CD163: variants seen among roughly 807,000 people sequenced by gnomAD.
CD163 encodes CD163 molecule, also known as scavenger receptor cysteine-rich type 1 protein M130.
A neutral mutation model predicts 129.2 loss-of-function variants in CD163; 64 were observed. The ratio of observed to expected loss-of-function variants is 0.50; its 90% CI spans 0.41 to 0.61. The LOEUF is 0.61. CD163 is among the 20% of genes least tolerant of loss of function. CD163 has a pLI of 0.00. For synonymous variants in CD163, 446 were observed against 478.5 expected (o/e 0.93, Z 0.89); for missense variants, 1,061 against 1,377.9 (o/e 0.77, Z 3.64).
chr12:7,478,823 TATA>T (rs1357528338), intron 16 of CD163, among the ~76,000 whole-genome samples: 2 of 152,022 alleles, frequency 1.3e-5, no homozygotes, highest in African/African-American at 4.8e-5. Flanking sequence ...TATAGGAATA[TATA>T]ATATTTCTAT....
At chr12:7,491,068 C>A (rs1347577144) in intron 6 of CD163, among the ~76,000 whole-genome samples, 2 of 152,112 alleles carry the variant, frequency 1.3e-5, no homozygotes, top group East Asian at 3.9e-4. Flanking sequence ...ATTCTGGTTT[C>A]TTGTAACTTC....
chr12:7,490,274 C>T (rs890250956), intron 6 of CD163, among the ~76,000 whole-genome samples: 3 of 151,636 alleles, frequency 2.0e-5, no homozygotes, highest in South Asian at 2.1e-4. Context: ...AATATGGTCA[C>T]GAAATGCATG....
At position 7,486,680 on chromosome 12, in the gene CD163, C is replaced by T; in HGVS notation, c.2277G>A (p.Gln759=). Reference sequence around the variant, plus strand: ...CATTAATGGCCTCTCCACAGCCCAGCTGTCTGCAAACCACGTGGGCATCAC... The same window carrying T: ...CATTAATGGCCTCTCCACAGCCCAGTTGTCTGCAAACCACGTGGGCATCAC... The part of the protein sequence containing the change: ...DLSDAHVVCR[Q]LGCGEAINAT... Residue 759 remains glutamine (Q), a synonymous_variant, in exon 10 of 17, where the codon CAG becomes CAA. Coordinates refer to ENST00000432237, the MANE Select transcript of CD163 (RefSeq NM_203416.4). 1 of 1,614,200 alleles carries T rather than the reference C, an allele frequency of 6.2e-7. No individual in the cohort carries two copies. The highest frequency in any genetic ancestry group is 8.5e-7 in the Non-Finnish European group (1 of 1,180,042).
intron 16 of CD163, among the ~76,000 whole-genome samples, chr12:7,472,482 C>A (rs1949019029): frequency 6.6e-6 from 1 of 152,128 alleles, no homozygotes; most frequent in Non-Finnish European, 1.5e-5. Context: ...AGAAGAGGGG[C>A]CTGACTGTTA....
intron 6 of CD163, among the ~76,000 whole-genome samples, chr12:7,490,099 G>T (rs1423944760): frequency 6.6e-6 from 1 of 151,870 alleles, no homozygotes; most frequent in African/African-American, 2.4e-5. Context: ...TTTTAATAGT[G>T]ATGAACCCAA....
chr12:7,486,845 G>A (rs1464597441), intron 9 of CD163, 32 bp from the exon 10 acceptor site: 3 of 1,605,916 alleles, frequency 1.9e-6, no homozygotes, highest in African/African-American at 2.7e-5. Flanking sequence ...TTAATAATGA[G>A]CATTCCACTT....
intron 1 of CD163, chr12:7,502,832 C>T: frequency 1.8e-6 from 1 of 548,244 alleles, no homozygotes; most frequent in Non-Finnish European, 3.2e-6. Flanking sequence ...AAGGTCAACC[C>T]TTAAAACCTG....
intron 6 of CD163, among the ~76,000 whole-genome samples, chr12:7,491,983 A>C (rs1315431273): frequency 6.6e-6 from 1 of 152,196 alleles, no homozygotes. Context: ...TGTACTATAT[A>C]AAAGTTAAAC....
At chr12:7,481,984 C>T (rs1007472887) in intron 14 of CD163, among the ~76,000 whole-genome samples, 2 of 152,112 alleles carry the variant, frequency 1.3e-5, no homozygotes, top group African/African-American at 2.4e-5. Context: ...CAGTAATCCC[C>T]CTCCCCTTTC....
Position 7,482,714 on chromosome 12 carries a change from A to G in CD163, c.3176T>C (p.Val1059Ala), listed in dbSNP as rs1949179030. 3 of 1,614,038 alleles carry G rather than the reference A, an allele frequency of 1.9e-6. No homozygotes were observed. In the South Asian group the frequency reaches 3.3e-5, roughly 18 times the overall value. ...SSFIAVGILG[V>A]VLLAIFVALF... ...TGCGACGAAAATGGCCAACAGAACA[A>G]CCCCAAGGATCCCGACTGCAATAAA... The change falls in exon 14 of 17, where the codon GTT becomes GCT. Residue 1059 changes from valine (V) to alanine (A), a missense_variant. By Grantham distance (64) the Val-to-Ala change is moderately conservative. Coordinates refer to ENST00000432237, the MANE Select transcript of CD163 (RefSeq NM_203416.4).
intron 12 of CD163, 51 bp downstream of exon 12, chr12:7,483,316 C>T (rs1461907712): frequency 1.3e-6 from 2 of 1,546,252 alleles, no homozygotes; most frequent in African/African-American, 1.4e-5. Context: ...ACTGCCCAAC[C>T]CCTCTTTGCT....
chr12:7,497,198 T>G, intron 4 of CD163, 65 bp from the exon 5 acceptor site: 323 of 1,211,132 alleles, frequency 2.7e-4, no homozygotes, highest in Non-Finnish European at 3.4e-4. Context: ...TAAATAGCTA[T>G]ACCTGAGATG....
intron 11 of CD163, among the ~76,000 whole-genome samples, chr12:7,484,189 A>T (rs945835140): frequency 6.6e-6 from 1 of 152,124 alleles, no homozygotes; most frequent in African/African-American, 2.4e-5. Flanking sequence ...TTGTCATTAC[A>T]GCCAACTAGG....
intron 6 of CD163, among the ~76,000 whole-genome samples, chr12:7,492,201 T>C (rs890106563): frequency 6.6e-6 from 1 of 152,002 alleles, no homozygotes; most frequent in African/African-American, 2.4e-5. Flanking sequence ...TACAGCAATA[T>C]AACAAAAGAG....
intron 11 of CD163, among the ~76,000 whole-genome samples, chr12:7,484,379 C>T (rs1399367647): frequency 6.6e-6 from 1 of 152,108 alleles, no homozygotes; most frequent in Non-Finnish European, 1.5e-5. Flanking sequence ...GTGGCTCACA[C>T]CTGTAATCCC....
At chr12:7,502,736 G>A in intron 1 of CD163, 172 bp from the exon 2 acceptor site, 1 of 641,354 alleles carries the variant, frequency 1.6e-6, no homozygotes, top group Non-Finnish European at 2.8e-6. Context: ...TATAGTTTCA[G>A]TGAAATGGTT....
chr12:7,495,119 G>GT lies in CD163; in HGVS notation c.1381dup (p.Thr461AsnfsTer3), dbSNP rs1190247672. 2 of 1,614,146 alleles carry GT rather than the reference G, an allele frequency of 1.2e-6. No homozygotes were observed. Among genetic ancestry groups the GT allele is most frequent in the South Asian group, 2.2e-5 (2 of 91,082 alleles). ...TTTGGCTTCTTCATAGTGATCACAG[G>GT]TAAGTCCACCCCATTGCCAGTTCTT... On this transcript the variant is annotated frameshift_variant, in exon 6 of 17. Coordinates refer to ENST00000432237, the MANE Select transcript of CD163 (RefSeq NM_203416.4). LOFTEE classifies it high-confidence loss of function.
chr12:7,502,541 A>T lies in CD163; in HGVS notation c.70T>A (p.Leu24Met). Residue 24 changes from leucine (L) to methionine (M), a missense_variant, in exon 2 of 17, where the codon TTG becomes ATG. Leu to Met is a conservative substitution (Grantham distance 15). Transcript: ENST00000432237. ...ACCACAGTAATGGTGAAGGGACTCA[A>T]GTTGACAAAATGTCTTCTGAAGTCT... ...SADFRRHFVN[L>M]SPFTITVVLL... The T allele has an allele frequency of 6.3e-7, 1 of 1,585,370 alleles. No individual in the cohort carries two copies. Among genetic ancestry groups the T allele is most frequent in the Non-Finnish European group, 8.6e-7 (1 of 1,158,782 alleles).
chr12:7,488,893 C>A (rs1949292546), intron 6 of CD163, among the ~76,000 whole-genome samples: 1 of 152,150 alleles, frequency 6.6e-6, no homozygotes, highest in South Asian at 2.1e-4. Flanking sequence ...CACTTTATCT[C>A]ACCACAAATA....
Sources: gnomAD v4.1 joint callset for allele counts (sites outside exome capture counted in the v4.1 genomes callset) on GRCh38, gnomAD v4.1.1 for gene constraint, MANE v1.5 for transcripts, NCBI Gene and HGNC (gene_info 2026-07-23, HGNC 2026-07-21) for gene names.